Variants in NTN1 observed in about 807,000 individuals in gnomAD.
NTN1 encodes the protein netrin 1, also known as netrin-1.
NTN1 carries 11 observed loss-of-function variants against 54.2 expected under a neutral mutation model. The ratio of observed to expected loss-of-function variants is 0.20; its 90% confidence interval spans 0.13 to 0.34. The LOEUF is 0.34. Ranked by LOEUF, NTN1 falls within the 10% of genes least tolerant of loss-of-function variation. The pLI is 1.00. For synonymous variants in NTN1, 371 were observed against 382.0 expected (o/e 0.97, Z 0.33); for missense variants, 740 against 893.1 (o/e 0.83, Z 2.18).
Position 9,243,586 on chromosome 17 carries a change from G to T in NTN1, c.*3618G>T, listed in dbSNP as rs950635319. The T allele has an allele frequency of 6.6e-6, 1 of 152,162 alleles. No homozygotes were observed. The highest frequency in any genetic ancestry group is 2.4e-5 in the African/African-American group (1 of 41,420). 9.4% of individuals were successfully genotyped at this position (152,162 alleles called of 1,614,324 possible). A position where few individuals can be genotyped will look rare whatever the true frequency, so the allele number is the denominator to read the frequency against. ...CATTCCTGTGGGCCATGGCACACCG[G>T]GGGGGATCAAAATGTGTACTTGTGG... On this transcript the variant is annotated 3_prime_UTR_variant, in exon 7 of 7. Transcript: ENST00000173229.
upstream of NTN1, among the ~76,000 whole-genome samples, chr17:9,018,741 G>A (rs2091837234): frequency 6.6e-6 from 1 of 151,832 alleles, no homozygotes; most frequent in African/African-American, 2.4e-5. Context: ...AGTCAGCTGA[G>A]CACCCCAATT....
intron 6 of NTN1, among the ~76,000 whole-genome samples, chr17:9,223,681 C>A (rs1905441824): frequency 6.6e-6 from 1 of 152,238 alleles, no homozygotes. Flanking sequence ...CTCTCCACTC[C>A]CCTAGGCAGC....
rs192806172 is a variant in NTN1 at position 9,107,968 on chromosome 17, C to T, written c.1019-54845C>T. ...TCTATTCACTGGCTCCCTCATTCATCAAACATAGTTTGATCACAGTGGTAA... is the reference window on the plus strand; with the variant it reads ...TCTATTCACTGGCTCCCTCATTCATTAAACATAGTTTGATCACAGTGGTAA... On this transcript the variant is annotated intron_variant, in intron 2 of 6. Coordinates refer to ENST00000173229, the MANE Select transcript of NTN1 (RefSeq NM_004822.3). 2.6e-5 allele frequency among the ~76,000 whole-genome samples: 4 copies of T among 152,286 alleles called. No homozygotes were observed. The East Asian group carries it at 7.7e-4, about 29-fold the overall frequency.
intron 2 of NTN1, among the ~76,000 whole-genome samples, chr17:9,033,456 C>T (rs781316006): frequency 6.6e-6 from 1 of 152,106 alleles, no homozygotes; most frequent in Non-Finnish European, 1.5e-5. Context: ...AATCAAGTTG[C>T]GATTTTCCTG....
intron 2 of NTN1, among the ~76,000 whole-genome samples, chr17:9,040,148 A>G (rs1027591061): frequency 2.6e-5 from 4 of 152,222 alleles, no homozygotes; most frequent in Non-Finnish European, 5.9e-5. Context: ...TTTCCTCATC[A>G]GCATTTGATA....
chr17:9,021,194 G>A (rs1235651049), upstream of NTN1, among the ~76,000 whole-genome samples: 1 of 150,876 alleles, frequency 6.6e-6, no homozygotes, highest in Admixed American at 6.6e-5. Flanking sequence ...GGGCGGCGCG[G>A]GGCGCGGGCG....
chr17:9,231,986 G>T (rs1309842002), intron 6 of NTN1, among the ~76,000 whole-genome samples: 1 of 152,108 alleles, frequency 6.6e-6, no homozygotes, highest in African/African-American at 2.4e-5. Flanking sequence ...AGCCCTCACC[G>T]ATGCCTTTGT....
Position 9,027,184 on chromosome 17 carries a change from C to T in NTN1, c.1018+3793C>T, listed in dbSNP as rs185597249. Among the ~76,000 whole-genome samples, 516 of 152,212 alleles carry T rather than the reference C, an allele frequency of 3.4e-3. 2 individuals are homozygous for T. The highest frequency in any genetic ancestry group is 4.9e-3 in the Non-Finnish European group (335 of 68,022). Reference sequence around the variant, plus strand: ...ATCAGAAAGCTGAAATTATTTGCTGCTTAGTCCAGAGCCTGGCACATAGCT... The same window carrying T: ...ATCAGAAAGCTGAAATTATTTGCTGTTTAGTCCAGAGCCTGGCACATAGCT... On this transcript the variant is annotated intron_variant, in intron 2 of 6. Coordinates refer to ENST00000173229, the MANE Select transcript of NTN1 (RefSeq NM_004822.3).
rs865963191 is a variant in NTN1, at chr17:9,191,718, C to T, written c.1411+8749C>T. Among the ~76,000 whole-genome samples the T allele has an allele frequency of 5.3e-5, 8 of 151,882 alleles. No individual in the cohort carries two copies. In the South Asian group the frequency reaches 1.7e-3, roughly 32 times the overall value. Reference sequence around the variant, plus strand: ...AAACTTACTAGTAATAAAAAATTAACAAGAATACTCTTTTAAAAGCTTATT... The same window carrying T: ...AAACTTACTAGTAATAAAAAATTAATAAGAATACTCTTTTAAAAGCTTATT... On this transcript the variant is annotated intron_variant, in intron 5 of 6. Coordinates refer to ENST00000173229, the MANE Select transcript of NTN1 (RefSeq NM_004822.3).
intron 2 of NTN1, among the ~76,000 whole-genome samples, chr17:9,039,265 T>G (rs2091913771): frequency 6.6e-6 from 1 of 152,232 alleles, no homozygotes; most frequent in Non-Finnish European, 1.5e-5. Flanking sequence ...TTAGATGAGT[T>G]TGTCAAGTTT....
chr17:9,023,095 G>T lies in NTN1; in HGVS notation c.722G>T (p.Trp241Leu). 6.4e-7 allele frequency: 1 copy of T among 1,569,790 alleles called. No homozygotes were observed. The highest frequency in any genetic ancestry group is 8.6e-7 in the Non-Finnish European group (1 of 1,158,506). The change falls in exon 2 of 7, where the codon TGG (tryptophan) becomes TTG (leucine). Residue 241 changes from tryptophan to leucine, a missense_variant. Physicochemically the swap from Trp to Leu is moderately conservative, Grantham distance 61. Transcript: ENST00000173229. ...DFDNSPVLQDWVTATDIRVAF... is the reference protein window; with the variant it reads ...DFDNSPVLQDLVTATDIRVAF... The stretch of plus-strand genomic sequence containing the variant: ...GACAACTCGCCCGTGCTGCAGGACT[G>T]GGTCACGGCCACAGACATCCGCGTG...
At chr17:9,027,628 T>C (rs2091875514) in intron 2 of NTN1, among the ~76,000 whole-genome samples, 1 of 152,250 alleles carries the variant, frequency 6.6e-6, no homozygotes, top group South Asian at 2.1e-4. Context: ...GGTTCCCTGG[T>C]TGTGTTGCAT....
chr17:9,158,131 C>A (rs2092348394), intron 2 of NTN1, among the ~76,000 whole-genome samples: 1 of 152,232 alleles, frequency 6.6e-6, no homozygotes, highest in Non-Finnish European at 1.5e-5. Flanking sequence ...GCATTTGCCA[C>A]TTGATGTCTC....
intron 5 of NTN1, among the ~76,000 whole-genome samples, chr17:9,193,929 A>AAAAAC (rs1555574978): frequency 1.3e-4 from 18 of 137,482 alleles, no homozygotes; most frequent in Non-Finnish European, 1.6e-5. Flanking sequence ...CTAAAAAAAA[A>AAAAAC]AAAAAAAAAA....
At chr17:9,164,544 C>T (rs1034647552) in intron 3 of NTN1, among the ~76,000 whole-genome samples, 2 of 150,968 alleles carry the variant, frequency 1.3e-5, no homozygotes, top group African/African-American at 5.0e-5. Context: ...TTCAACCAAG[C>T]TGGTGCCCTT....
At chr17:9,193,947 T>G (rs1400066692) in intron 5 of NTN1, among the ~76,000 whole-genome samples, 2 of 20,830 alleles carry the variant, frequency 9.6e-5, no homozygotes, top group Non-Finnish European at 1.0e-4. Context: ...AAAAAAAACA[T>G]TATGCAGGTT....
intron 3 of NTN1, among the ~76,000 whole-genome samples, chr17:9,166,149 TCCACCACCACCACCACCACCACCACCA>T (rs60014697): frequency 0.016 from 1,837 of 111,424 alleles, 71 homozygotes; most frequent in African/African-American, 0.06. Flanking sequence ...TCAACCCCCT[TCCACCACCACCACCACCACCACCACCA>T]CCACCACCAC....
intron 2 of NTN1, among the ~76,000 whole-genome samples, chr17:9,052,389 T>C (rs1050986929): frequency 6.6e-6 from 1 of 152,190 alleles, no homozygotes; most frequent in African/African-American, 2.4e-5. Flanking sequence ...CACCTCTCAG[T>C]ACCCACCCTA....
intron 3 of NTN1, chr17:9,178,953 C>G (rs74701994): frequency 1.3e-5 from 2 of 152,234 alleles, no homozygotes; most frequent in Non-Finnish European, 2.9e-5. Context: ...TGGGACACAG[C>G]GACAGAGCCT....
Sources: allele counts gnomAD v4.1 joint callset (sites outside exome capture counted in the v4.1 genomes callset), GRCh38; gene constraint gnomAD v4.1.1; transcripts MANE v1.5; gene names NCBI Gene and HGNC (gene_info 2026-07-23, HGNC 2026-07-21).